TBC1D12: variants seen among roughly 807,000 people sequenced by gnomAD.
TBC1D12 encodes the protein TBC1 domain family member 12.
In TBC1D12, 56 loss-of-function variants were observed where a neutral mutation model predicts 86.7. That is an observed-to-expected ratio of 0.65 (90% CI 0.52 to 0.81). The LOEUF (loss-of-function observed/expected upper bound fraction) is 0.81. Ranked by LOEUF, TBC1D12 falls within the 30% of genes least tolerant of loss-of-function variation. The pLI is 0.00. For synonymous variants in TBC1D12, 421 were observed against 411.7 expected (o/e 1.02, Z -0.27); for missense variants, 1,023 against 1,038.8 (o/e 0.98, Z 0.21).
At chr10:94,438,885 C>A (rs1222520116) in intron 1 of TBC1D12, among the ~76,000 whole-genome samples, 2 of 151,932 alleles carry the variant, frequency 1.3e-5, no homozygotes, top group Non-Finnish European at 2.9e-5. Flanking sequence ...CTCACTGCAA[C>A]CTCCGCCTCC....
chr10:94,524,536 C>T (rs904503251), intron 11 of TBC1D12, among the ~76,000 whole-genome samples: 20 of 151,988 alleles, frequency 1.3e-4, no homozygotes, highest in East Asian at 1.2e-3. Flanking sequence ...GTCAGGAGAT[C>T]GAGACCATCC....
intron 2 of TBC1D12, among the ~76,000 whole-genome samples, chr10:94,451,141 A>G (rs2055543529): frequency 6.6e-6 from 1 of 152,196 alleles, no homozygotes; most frequent in African/African-American, 2.4e-5. Flanking sequence ...GACCATAGTT[A>G]CCAATAATAT....
intron 3 of TBC1D12, among the ~76,000 whole-genome samples, chr10:94,485,544 CTTT>C (rs772788846): frequency 1.6e-5 from 2 of 122,760 alleles, no homozygotes; most frequent in African/African-American, 3.0e-5. Flanking sequence ...TGTAGTTTTC[CTTT>C]TTTTTTTTTT....
At chr10:94,521,235 A>G (rs1374893860) in intron 9 of TBC1D12, among the ~76,000 whole-genome samples, 1 of 143,134 alleles carries the variant, frequency 7.0e-6, no homozygotes, top group African/African-American at 2.7e-5. Context: ...AAAAAAAAAA[A>G]AACAAAAAAA....
intron 3 of TBC1D12, among the ~76,000 whole-genome samples, chr10:94,482,630 A>G (rs1203771111): frequency 6.6e-6 from 1 of 151,820 alleles, no homozygotes; most frequent in African/African-American, 2.4e-5. Flanking sequence ...TTGTATTTTT[A>G]GTAGAGATGG....
At chr10:94,430,189 C>A (rs1047386615) in intron 1 of TBC1D12, among the ~76,000 whole-genome samples, 4 of 152,178 alleles carry the variant, frequency 2.6e-5, no homozygotes, top group African/African-American at 9.7e-5. Context: ...GTTGAATCCC[C>A]TTTTAATATA....
Position 94,402,948 on chromosome 10 carries a change from G to C in TBC1D12, c.335G>C (p.Gly112Ala). Residue 112 changes from glycine to alanine, a missense_variant, in exon 1 of 13, where the codon GGC becomes GCC. By Grantham distance (60) the Gly-to-Ala change is moderately conservative. Transcript: ENST00000225235. Reference sequence around the variant, plus strand: ...CCACGATCGGACGCCTGCCTGCTGGGCTCGGGCTCCAAACACCGCGGCGCG... The same window carrying C: ...CCACGATCGGACGCCTGCCTGCTGGCCTCGGGCTCCAAACACCGCGGCGCG... Reference protein sequence around the residue: ...AAPRSDACLLGSGSKHRGAEV... With the variant: ...AAPRSDACLLASGSKHRGAEV... The C allele has an allele frequency of 6.4e-7, 1 of 1,565,184 alleles. No homozygotes were observed. Among genetic ancestry groups the C allele is most frequent in the Non-Finnish European group, 8.6e-7 (1 of 1,160,750 alleles).
chr10:94,430,880 A>G (rs920853724), intron 1 of TBC1D12, among the ~76,000 whole-genome samples: 4 of 152,164 alleles, frequency 2.6e-5, no homozygotes, highest in Non-Finnish European at 4.4e-5. Context: ...AGTTGATGCT[A>G]TTTCCTAACT....
chr10:94,473,625 G>A (rs2055943082), intron 2 of TBC1D12, among the ~76,000 whole-genome samples: 2 of 152,050 alleles, frequency 1.3e-5, no homozygotes, highest in Admixed American at 6.6e-5. Flanking sequence ...TGCATAGTTC[G>A]TGAAATCATT....
intron 1 of TBC1D12, among the ~76,000 whole-genome samples, chr10:94,418,268 CA>C (rs1254827316): frequency 1.3e-5 from 2 of 152,088 alleles, no homozygotes; most frequent in Non-Finnish European, 2.9e-5. Flanking sequence ...CATGTGCTGG[CA>C]AAACAGTCCA....
At chr10:94,431,937 C>T (rs1198981068) in intron 1 of TBC1D12, among the ~76,000 whole-genome samples, 2 of 152,140 alleles carry the variant, frequency 1.3e-5, no homozygotes, top group African/African-American at 2.4e-5. Flanking sequence ...ACAAGAGTGA[C>T]CCCTTCCCCA....
intron 2 of TBC1D12, among the ~76,000 whole-genome samples, chr10:94,444,733 C>CTT (rs528326665): frequency 7.2e-5 from 10 of 138,782 alleles, no homozygotes; most frequent in Admixed American, 1.4e-4. Flanking sequence ...CTCACATTCT[C>CTT]TTTTTTTTTT....
chr10:94,422,563 A>C (rs987294470), intron 1 of TBC1D12, among the ~76,000 whole-genome samples: 1 of 151,794 alleles, frequency 6.6e-6, no homozygotes, highest in African/African-American at 2.4e-5. Flanking sequence ...CTGGACTCCT[A>C]TCAGGAAACA....
chr10:94,445,596 T>C (rs971578766), intron 2 of TBC1D12, among the ~76,000 whole-genome samples: 1 of 152,164 alleles, frequency 6.6e-6, no homozygotes, highest in African/African-American at 2.4e-5. Flanking sequence ...TTATGTTTGT[T>C]CTCTGGGAGG....
intron 1 of TBC1D12, among the ~76,000 whole-genome samples, chr10:94,441,091 G>A (rs1232064743): frequency 1.1e-4 from 17 of 151,226 alleles, no homozygotes; most frequent in Non-Finnish European, 1.5e-4. Flanking sequence ...CTCGTGATCC[G>A]CCCGCCTCAA....
intron 1 of TBC1D12, among the ~76,000 whole-genome samples, chr10:94,422,330 C>G (rs1169544198): frequency 6.6e-6 from 1 of 151,472 alleles, no homozygotes; most frequent in Non-Finnish European, 1.5e-5. Context: ...GCTGAGACTA[C>G]AGGTGTGTGC....
chr10:94,452,316 A>G (rs987204128), intron 2 of TBC1D12, among the ~76,000 whole-genome samples: 8 of 152,096 alleles, frequency 5.3e-5, no homozygotes, highest in African/African-American at 1.4e-4. Context: ...CATAGTTTAC[A>G]GTATCATTCA....
At chr10:94,478,464 T>G (rs761537422) in intron 3 of TBC1D12, among the ~76,000 whole-genome samples, 2 of 152,022 alleles carry the variant, frequency 1.3e-5, no homozygotes, top group African/African-American at 4.8e-5. Flanking sequence ...ATCCCAGCAC[T>G]TTGGGAGGCA....
At chr10:94,415,727 G>A (rs948470051) in intron 1 of TBC1D12, among the ~76,000 whole-genome samples, 5 of 152,078 alleles carry the variant, frequency 3.3e-5, no homozygotes, top group Admixed American at 6.6e-5. Context: ...CAGCCTGGGC[G>A]ACAGAGCGAG....
Sources: allele counts gnomAD v4.1 joint callset (sites outside exome capture counted in the v4.1 genomes callset), GRCh38; gene constraint gnomAD v4.1.1; transcripts MANE v1.5; gene names NCBI Gene and HGNC (gene_info 2026-07-23, HGNC 2026-07-21).